The following DCDC2 variants were observed in gnomAD, a reference collection of about 807,000 sequenced individuals.
DCDC2 encodes the protein doublecortin domain containing 2, also known as doublecortin domain-containing protein 2.
A neutral mutation model predicts 50.2 loss-of-function variants in DCDC2; 40 were observed. The ratio of observed to expected loss-of-function variants is 0.80; its 90% CI spans 0.62 to 1.04. The LOEUF is 1.04. Ranked by LOEUF, DCDC2 falls within the 50% of genes least tolerant of loss-of-function variation. DCDC2 has a pLI of 0.00. For synonymous variants in DCDC2, 234 were observed against 210.6 expected (o/e 1.11, Z -0.96); for missense variants, 570 against 581.9 (o/e 0.98, Z 0.21).
At chr6:24,240,779 T>A (rs757654389) in intron 7 of DCDC2, among the ~76,000 whole-genome samples, 1 of 152,112 alleles carries the variant, frequency 6.6e-6, no homozygotes, top group Non-Finnish European at 1.5e-5. Flanking sequence ...AGCAAATCAA[T>A]CCCTTAGATG....
intron 7 of DCDC2, among the ~76,000 whole-genome samples, chr6:24,266,157 T>C (rs1282041580): frequency 6.6e-6 from 1 of 151,696 alleles, no homozygotes; most frequent in Admixed American, 6.6e-5. Context: ...AAGAATGAAA[T>C]TGGACCCCGA....
intron 4 of DCDC2, among the ~76,000 whole-genome samples, chr6:24,300,209 A>C (rs531827426): frequency 3.5e-4 from 53 of 151,998 alleles, no homozygotes; most frequent in African/African-American, 1.2e-3. Flanking sequence ...GGGCAACATG[A>C]CAAAATCTAA....
chr6:24,244,076 C>A (rs528774604), intron 7 of DCDC2, among the ~76,000 whole-genome samples: 54 of 152,262 alleles, frequency 3.5e-4, no homozygotes, highest in African/African-American at 1.3e-3. Flanking sequence ...CACTACCACC[C>A]AAAAGATCTC....
intron 8 of DCDC2, among the ~76,000 whole-genome samples, chr6:24,182,524 C>A (rs113943945): frequency 6.8e-5 from 10 of 146,002 alleles, no homozygotes; most frequent in African/African-American, 2.5e-4. Context: ...AGAAGATATA[C>A]AAATGGCCAA....
chr6:24,312,996 C>T (rs974159182), intron 2 of DCDC2, among the ~76,000 whole-genome samples: 1 of 152,146 alleles, frequency 6.6e-6, no homozygotes, highest in African/African-American at 2.4e-5. Context: ...TAAGTCTTCT[C>T]AGGAAATTTT....
intron 8 of DCDC2, among the ~76,000 whole-genome samples, chr6:24,195,425 T>C (rs908484763): frequency 6.6e-6 from 1 of 152,190 alleles, no homozygotes; most frequent in Non-Finnish European, 1.5e-5. Flanking sequence ...TTAACCACTC[T>C]TAAGTGTACA....
At chr6:24,333,603 G>C (rs1178976122) in intron 2 of DCDC2, among the ~76,000 whole-genome samples, 1 of 152,126 alleles carries the variant, frequency 6.6e-6, no homozygotes, top group Non-Finnish European at 1.5e-5. Context: ...TTCATGAACT[G>C]AAGTCCAAAA....
intron 6 of DCDC2, among the ~76,000 whole-genome samples, chr6:24,283,524 A>T (rs1472733135): frequency 3.3e-5 from 5 of 152,134 alleles, no homozygotes; most frequent in Non-Finnish European, 5.9e-5. Context: ...GTAGGGAAAA[A>T]TAAATTTCTA....
intron 7 of DCDC2, among the ~76,000 whole-genome samples, chr6:24,218,517 G>A (rs1372746174): frequency 6.6e-6 from 1 of 152,030 alleles, no homozygotes; most frequent in African/African-American, 2.4e-5. Flanking sequence ...TTCTGATACA[G>A]GGTCTCACTC....
At chr6:24,283,639 C>G (rs1319988050) in intron 6 of DCDC2, among the ~76,000 whole-genome samples, 1 of 152,226 alleles carries the variant, frequency 6.6e-6, no homozygotes, top group East Asian at 1.9e-4. Context: ...TCTCCCCACA[C>G]AGTCCCCTTC....
At chr6:24,266,502 G>A (rs544998452) in intron 7 of DCDC2, among the ~76,000 whole-genome samples, 1 of 152,086 alleles carries the variant, frequency 6.6e-6, no homozygotes, top group East Asian at 1.9e-4. Flanking sequence ...TTTAAAAATG[G>A]GCAAAACACC....
At chr6:24,179,379 C>A (rs1174020766) in intron 8 of DCDC2, among the ~76,000 whole-genome samples, 1 of 149,904 alleles carries the variant, frequency 6.7e-6, no homozygotes, top group East Asian at 2.0e-4. Context: ...AACCCCATCT[C>A]TACTAAAAAT....
intron 7 of DCDC2, among the ~76,000 whole-genome samples, chr6:24,248,826 G>A (rs1762739362): frequency 6.6e-6 from 1 of 152,016 alleles, no homozygotes; most frequent in Non-Finnish European, 1.5e-5. Context: ...ATTAAAAATG[G>A]AGCTCAATAG....
At chr6:24,357,320 T>C in intron 1 of DCDC2, 138 bp downstream of exon 1, 1 of 1,029,262 alleles carries the variant, frequency 9.7e-7, no homozygotes, top group Non-Finnish European at 1.4e-6. Flanking sequence ...AACGAGAGTT[T>C]TGAGGGGCAT....
chr6:24,191,480 A>G (rs1262832691), intron 8 of DCDC2, among the ~76,000 whole-genome samples: 2 of 152,198 alleles, frequency 1.3e-5, no homozygotes, highest in Non-Finnish European at 2.9e-5. Context: ...GGACAGGTCA[A>G]AAAACATAAA....
At chr6:24,278,389 G>T (rs943036527) in intron 6 of DCDC2, among the ~76,000 whole-genome samples, 178 bp from the exon 7 acceptor site, 1 of 152,290 alleles carries the variant, frequency 6.6e-6, no homozygotes, top group African/African-American at 2.4e-5. Flanking sequence ...GGAGGCAAAA[G>T]GGTCTAGGAG....
At chr6:24,376,274 G>A in the DCDC2 span, among the ~76,000 whole-genome samples, 1 of 152,148 alleles carries the variant, frequency 6.6e-6, no homozygotes. Context: ...CTCTTCTTTT[G>A]TACTGTATGT....
intron 7 of DCDC2, among the ~76,000 whole-genome samples, chr6:24,271,207 C>CAAAAA (rs543819229): frequency 0.051 from 1,993 of 39,340 alleles, 322 homozygotes; most frequent in African/African-American, 0.1. Flanking sequence ...GACACTCCCT[C>CAAAAA]AAAAAAAAAA....
intron 7 of DCDC2, among the ~76,000 whole-genome samples, chr6:24,238,979 T>G (rs906480226): frequency 8.5e-5 from 13 of 152,362 alleles, no homozygotes; most frequent in African/African-American, 3.1e-4. Context: ...TGTACAATTC[T>G]AGAGTATATG....
Sources: allele counts gnomAD v4.1 joint callset (sites outside exome capture counted in the v4.1 genomes callset), GRCh38; gene constraint gnomAD v4.1.1; transcripts MANE v1.5; gene names NCBI Gene and HGNC (gene_info 2026-07-23, HGNC 2026-07-21).